ADAMTS16: variants seen among roughly 807,000 people sequenced by gnomAD.
ADAMTS16 encodes A disintegrin and metalloproteinase with thrombospondin motifs 16.
In ADAMTS16, 94 loss-of-function variants were observed where a neutral mutation model predicts 145.8. The observed-to-expected ratio is 0.64, with a 90% confidence interval of 0.55 to 0.77. The LOEUF (loss-of-function observed/expected upper bound fraction) is 0.77, where lower values mean the gene tolerates loss of function less well. Among genes scored for constraint, ADAMTS16 ranks in the 30% least tolerant of loss-of-function variants. The pLI, the probability that ADAMTS16 is intolerant of heterozygous loss-of-function variation, is 0.00. For synonymous variants in ADAMTS16, 659 were observed against 604.3 expected (o/e 1.09, Z -1.33); for missense variants, 1,585 against 1,591.5 (o/e 1.00, Z 0.07).
rs1035551090 is a variant in ADAMTS16 at position 5,220,349 on chromosome 5, C to T, written c.1606-2440C>T. On this transcript the variant is annotated intron_variant, in intron 10 of 22. Transcript: ENST00000274181. ...TAATTTTTTATATTTTTAGTAGAGA[C>T]GGGTTTCACTGTGTTAGCCAGGATG... Among the ~76,000 whole-genome samples the T allele has an allele frequency of 1.9e-4, 29 of 149,460 alleles. No individual in the cohort carries two copies. In the East Asian group the frequency reaches 3.7e-3, roughly 19 times the overall value.
chr5:5,185,878 C>T (rs1735481524), intron 4 of ADAMTS16, among the ~76,000 whole-genome samples, 174 bp from the exon 5 acceptor site: 1 of 152,190 alleles, frequency 6.6e-6, no homozygotes, highest in African/African-American at 2.4e-5. Context: ...ATGAATTTTA[C>T]TTAAATTTAG....
chr5:5,240,666 A>G (rs965149972), intron 16 of ADAMTS16, among the ~76,000 whole-genome samples: 1 of 152,078 alleles, frequency 6.6e-6, no homozygotes, highest in Non-Finnish European at 1.5e-5. Context: ...GTTCCCTGGG[A>G]CAGGCCGCCC....
In ADAMTS16 at chr5:5,299,608, C is replaced by G. The variant is rs535633549; in HGVS notation, c.2790-3660C>G. Among the ~76,000 whole-genome samples, 36 of 152,084 alleles carry G rather than the reference C, an allele frequency of 2.4e-4. No homozygotes were observed. In the East Asian group the frequency reaches 6.0e-3, roughly 25 times the overall value. On this transcript the variant is annotated intron_variant, in intron 18 of 22. Coordinates refer to ENST00000274181, the MANE Select transcript of ADAMTS16 (RefSeq NM_139056.4). ...ATATTGCATATTGATTAGATGATACCAGGAAATCCTGGGTAGACCGTTGAG... is the reference window on the plus strand; with the variant it reads ...ATATTGCATATTGATTAGATGATACGAGGAAATCCTGGGTAGACCGTTGAG...
intron 8 of ADAMTS16, among the ~76,000 whole-genome samples, chr5:5,196,347 A>G (rs906680200): frequency 3.3e-5 from 5 of 151,568 alleles, no homozygotes; most frequent in African/African-American, 1.2e-4. Context: ...CCCTTTCAGT[A>G]TTTGATGATG....
rs1005137667 is a variant in ADAMTS16, at chr5:5,229,024, C to T, written c.1702-3344C>T. On this transcript the variant is annotated intron_variant, in intron 11 of 22. Coordinates refer to ENST00000274181, the MANE Select transcript of ADAMTS16 (RefSeq NM_139056.4). ...TTTAAGAAGTTCTAAGTTGGCCGGG[C>T]GCGGTGGCTCACGCCTGTAATCCCA... Among the ~76,000 whole-genome samples, 7 of 152,156 alleles carry T rather than the reference C, an allele frequency of 4.6e-5. No individual in the cohort carries two copies. The South Asian group carries it at 6.2e-4, about 14-fold the overall frequency.
chr5:5,295,310 T>C (rs1236853303), intron 18 of ADAMTS16, among the ~76,000 whole-genome samples: 2 of 152,268 alleles, frequency 1.3e-5, no homozygotes, highest in Non-Finnish European at 2.9e-5. Context: ...CAGTGCTGTT[T>C]AATGACTGGT....
At chr5:5,291,493 GC>G (rs1280468930) in intron 18 of ADAMTS16, among the ~76,000 whole-genome samples, 1 of 152,160 alleles carries the variant, frequency 6.6e-6, no homozygotes, top group Non-Finnish European at 1.5e-5. Context: ...CTCCCAGCCT[GC>G]CCAGCACTGC....
intron 3 of ADAMTS16, among the ~76,000 whole-genome samples, chr5:5,163,756 A>G (rs1458020000): frequency 6.6e-6 from 1 of 152,230 alleles, no homozygotes; most frequent in Non-Finnish European, 1.5e-5. Flanking sequence ...CTTGCTTGAG[A>G]GTAAGGAAAT....
chr5:5,244,815 G>A, intron 17 of ADAMTS16, among the ~76,000 whole-genome samples: 1 of 152,182 alleles, frequency 6.6e-6, no homozygotes, highest in East Asian at 1.9e-4. Flanking sequence ...TGAAATATCA[G>A]CAATGAGGAG....
chr5:5,201,918 TG>T (rs1735970075), intron 9 of ADAMTS16, among the ~76,000 whole-genome samples: 1 of 152,198 alleles, frequency 6.6e-6, no homozygotes, highest in African/African-American at 2.4e-5. Flanking sequence ...ACCTTTTTTT[TG>T]TTTTCTTTCT....
At position 5,195,432 on chromosome 5, in the gene ADAMTS16, A is replaced by G. The variant is rs532958170; in HGVS notation, c.1313+3642A>G. Reference sequence around the variant, plus strand: ...GTCATTTGATGGGTAGGGCTCTGGGACTCAGATTCCAGATCAGCACAGTGC... The same window carrying G: ...GTCATTTGATGGGTAGGGCTCTGGGGCTCAGATTCCAGATCAGCACAGTGC... On this transcript the variant is annotated intron_variant, in intron 8 of 22. Transcript: ENST00000274181. Among the ~76,000 whole-genome samples, 10 of 152,246 alleles carry G rather than the reference A, an allele frequency of 6.6e-5. 1 individual carries two copies. Among genetic ancestry groups the G allele is most frequent in the African/African-American group, 2.4e-4 (10 of 41,546 alleles).
intron 20 of ADAMTS16, among the ~76,000 whole-genome samples, chr5:5,304,002 A>C (rs1579403679): frequency 6.6e-6 from 1 of 152,146 alleles, no homozygotes; most frequent in Admixed American, 6.5e-5. Flanking sequence ...TCACTGGTCC[A>C]GCGTGGAGCA....
intron 10 of ADAMTS16, among the ~76,000 whole-genome samples, chr5:5,215,870 G>GTATGTATATATA (rs1736420675): frequency 6.9e-5 from 7 of 101,620 alleles, no homozygotes; most frequent in African/African-American, 3.5e-4. Flanking sequence ...GTGTGTATGT[G>GTATGTATATATA]TATATATATA....
intron 18 of ADAMTS16, among the ~76,000 whole-genome samples, chr5:5,291,836 C>G (rs1464568755): frequency 5.9e-5 from 9 of 152,172 alleles, no homozygotes; most frequent in Admixed American, 5.9e-4. Context: ...TGCTGAAACA[C>G]AGGTACATTA....
rs943946922 is a variant in ADAMTS16 at position 5,240,103 on chromosome 5, A to G, written c.2523+178A>G. ...TTTATCATCATTCACTTTTTGGTGT[A>G]TGATTACGTTTGTATTTAAGTGCTC... is the stretch of plus-strand genomic sequence containing the variant. On this transcript the variant is annotated intron_variant, in intron 16 of 22. Transcript: ENST00000274181. Among the ~76,000 whole-genome samples the G allele has an allele frequency of 3.9e-5, 6 of 152,208 alleles. No individual in the cohort carries two copies. In the East Asian group the frequency reaches 9.6e-4, roughly 24 times the overall value.
chr5:5,176,824 G>T (rs1277851072), intron 3 of ADAMTS16, among the ~76,000 whole-genome samples: 1 of 152,190 alleles, frequency 6.6e-6, no homozygotes, highest in Non-Finnish European at 1.5e-5. Context: ...GTGCCCAGCT[G>T]TGCAGAAACC....
chr5:5,201,115 A>T (rs1443686348), intron 9 of ADAMTS16, among the ~76,000 whole-genome samples: 1 of 152,200 alleles, frequency 6.6e-6, no homozygotes, highest in African/African-American at 2.4e-5. Context: ...GGTTTCTTCC[A>T]TCCTGTGACC....
chr5:5,239,742 C>T lies in ADAMTS16; in HGVS notation c.2340C>T (p.Asn780=), dbSNP rs74417218. The change falls in exon 16 of 23, where the codon AAC becomes AAT. Residue 780 remains asparagine (N), a synonymous_variant. Coordinates refer to ENST00000274181, the MANE Select transcript of ADAMTS16 (RefSeq NM_139056.4). The part of the protein sequence containing the change: ...GARSIRIYEM[N]VSTSYISVRN... ...GGAGTATCCGCATCTATGAAATGAA[C>T]GTCTCTACCTCCTACATTTCTGTGC... 1.8e-4 allele frequency: 293 copies of T among 1,614,050 alleles called. No individual in the cohort carries two copies. The African/African-American group carries it at 3.2e-3, about 17-fold the overall frequency.
intron 3 of ADAMTS16, among the ~76,000 whole-genome samples, chr5:5,173,725 G>T (rs894741768): frequency 6.6e-6 from 1 of 151,898 alleles, no homozygotes; most frequent in Non-Finnish European, 1.5e-5. Flanking sequence ...TGCCTGCCTC[G>T]GCCTCCCAAA....
Sources: gnomAD v4.1 joint callset for allele counts (sites outside exome capture counted in the v4.1 genomes callset) on GRCh38, gnomAD v4.1.1 for gene constraint, MANE v1.5 for transcripts, NCBI Gene and HGNC (gene_info 2026-07-23, HGNC 2026-07-21) for gene names.